GRID1: variants seen among roughly 807,000 people sequenced by gnomAD.
The protein encoded by GRID1 is glutamate receptor ionotropic, delta-1.
In GRID1, 28 loss-of-function variants were observed where a neutral mutation model predicts 98.0. That is an observed-to-expected ratio of 0.29 (90% CI 0.21 to 0.39). The LOEUF (loss-of-function observed/expected upper bound fraction) is 0.39. GRID1 is among the 10% of genes least tolerant of loss of function. The probability of loss-of-function intolerance (pLI) is 1.00; values close to 1 mark genes in which losing one functional copy is unlikely to be tolerated. For synonymous variants in GRID1, 553 were observed against 538.5 expected, an observed-to-expected ratio of 1.03 and a Z score of -0.37; for missense variants, 1,111 against 1,340.5, an observed-to-expected ratio of 0.83 and a Z score of 2.67.
At chr10:86,060,122 A>G (rs950824465) in intron 4 of GRID1, among the ~76,000 whole-genome samples, 2 of 152,184 alleles carry the variant, frequency 1.3e-5, no homozygotes, top group African/African-American at 2.4e-5. Context: ...CCAGAAGGGG[A>G]AAAAAAGCAG....
chr10:86,338,485 C>G (rs1415284962), intron 2 of GRID1, among the ~76,000 whole-genome samples: 7 of 152,178 alleles, frequency 4.6e-5, no homozygotes, highest in Non-Finnish European at 8.8e-5. Context: ...GATCTTTGTC[C>G]TGTACAACCG....
intron 12 of GRID1, among the ~76,000 whole-genome samples, chr10:85,716,214 CCTAA>C (rs1256758374): frequency 6.6e-6 from 1 of 152,142 alleles, no homozygotes; most frequent in East Asian, 1.9e-4. Context: ...CCAGAATCAA[CCTAA>C]CTTTTTATCT....
At chr10:85,696,240 A>C (rs998313303) in intron 12 of GRID1, among the ~76,000 whole-genome samples, 10 of 152,182 alleles carry the variant, frequency 6.6e-5, no homozygotes, top group African/African-American at 2.4e-4. Flanking sequence ...AAAAGTAAGC[A>C]CATAAGTACA....
At chr10:86,238,880 C>T (rs933612759) in intron 2 of GRID1, among the ~76,000 whole-genome samples, 7 of 152,106 alleles carry the variant, frequency 4.6e-5, no homozygotes, top group Non-Finnish European at 1.5e-5. Flanking sequence ...AGGGGCAGAG[C>T]CTTCATGGAG....
intron 2 of GRID1, among the ~76,000 whole-genome samples, chr10:86,214,566 CAGCAG>C (rs1564708564): frequency 6.6e-6 from 1 of 152,202 alleles, no homozygotes; most frequent in Admixed American, 6.5e-5. Flanking sequence ...CAGCACAGCA[CAGCAG>C]AGCAAGAAAC....
chr10:85,805,522 G>C (rs1842615769), intron 8 of GRID1, among the ~76,000 whole-genome samples: 1 of 151,716 alleles, frequency 6.6e-6, no homozygotes, highest in Admixed American at 6.6e-5. Flanking sequence ...AAATTTAAAG[G>C]ACTAAGAATA....
chr10:86,226,255 GC>G (rs1218567479), intron 2 of GRID1, among the ~76,000 whole-genome samples: 2 of 151,472 alleles, frequency 1.3e-5, no homozygotes, highest in Non-Finnish European at 2.9e-5. Flanking sequence ...TATATGCAAA[GC>G]TATTGAAAAG....
At chr10:85,975,005 T>C (rs1842453667) in intron 4 of GRID1, among the ~76,000 whole-genome samples, 1 of 152,240 alleles carries the variant, frequency 6.6e-6, no homozygotes, top group African/African-American at 2.4e-5. Flanking sequence ...TCAACCTAAT[T>C]GCCCTGCTTA....
At chr10:85,934,370 G>A (rs545455917) in intron 4 of GRID1, among the ~76,000 whole-genome samples, 2 of 151,156 alleles carry the variant, frequency 1.3e-5, no homozygotes, top group African/African-American at 2.4e-5. Flanking sequence ...CCCAAAGTAT[G>A]CCCCAAAATA....
chr10:86,260,784 C>T (rs1847004556), intron 2 of GRID1, among the ~76,000 whole-genome samples: 1 of 152,204 alleles, frequency 6.6e-6, no homozygotes, highest in Non-Finnish European at 1.5e-5. Flanking sequence ...CCAGAGACAC[C>T]CCTTCATTCA....
intron 4 of GRID1, among the ~76,000 whole-genome samples, chr10:85,931,145 T>C (rs1841846290): frequency 1.3e-5 from 2 of 152,148 alleles, no homozygotes; most frequent in African/African-American, 2.4e-5. Context: ...CTCTTAAGCA[T>C]CCTAATGCCA....
intron 2 of GRID1, among the ~76,000 whole-genome samples, chr10:86,223,717 C>T (rs571486990): frequency 5.8e-4 from 89 of 152,384 alleles, no homozygotes; most frequent in African/African-American, 2.1e-3. Context: ...CCCAGCCCAG[C>T]TTGGGTCGGC....
At chr10:86,224,096 T>C (rs1032399733) in intron 2 of GRID1, among the ~76,000 whole-genome samples, 1 of 152,182 alleles carries the variant, frequency 6.6e-6, no homozygotes, top group Non-Finnish European at 1.5e-5. Flanking sequence ...ACATGTTCCC[T>C]CCAACTGTAC....
At chr10:85,817,862 G>T (rs1359981953) in intron 8 of GRID1, among the ~76,000 whole-genome samples, 1 of 152,108 alleles carries the variant, frequency 6.6e-6, no homozygotes, top group Admixed American at 6.6e-5. Flanking sequence ...CTGCCCTCCA[G>T]CCTGAGTGAC....
intron 4 of GRID1, among the ~76,000 whole-genome samples, chr10:85,930,578 G>T (rs1054560485): frequency 7.9e-5 from 12 of 151,834 alleles, no homozygotes; most frequent in Non-Finnish European, 1.8e-4. Context: ...TGCTCTGCTG[G>T]TTGGATTCTC....
At chr10:86,007,401 C>G (rs1229772571) in intron 4 of GRID1, among the ~76,000 whole-genome samples, 1 of 152,056 alleles carries the variant, frequency 6.6e-6, no homozygotes, top group Admixed American at 6.6e-5. Flanking sequence ...CCGCTCCGCA[C>G]CCCCCCACCT....
intron 4 of GRID1, among the ~76,000 whole-genome samples, chr10:86,019,899 A>G (rs1339627345): frequency 6.6e-6 from 1 of 152,246 alleles, no homozygotes; most frequent in East Asian, 1.9e-4. Flanking sequence ...GCCCTGGTAC[A>G]TTGCCAGCTT....
intron 9 of GRID1, 92 bp from the exon 10 acceptor site, chr10:85,728,144 A>G: frequency 1.0e-6 from 1 of 981,298 alleles, no homozygotes; most frequent in Non-Finnish European, 1.6e-6. Context: ...ATCTGATTAG[A>G]ACATTTGCAG....
intron 6 of GRID1, among the ~76,000 whole-genome samples, chr10:85,856,797 C>T (rs1235780032): frequency 2.0e-5 from 3 of 152,176 alleles, no homozygotes; most frequent in African/African-American, 7.2e-5. Context: ...TGGATTTGCT[C>T]TATTGGCCAC....
Sources: gnomAD v4.1 joint callset for allele counts (sites outside exome capture counted in the v4.1 genomes callset) on GRCh38, gnomAD v4.1.1 for gene constraint, MANE v1.5 for transcripts, NCBI Gene and HGNC (gene_info 2026-07-23, HGNC 2026-07-21) for gene names.